The following PPM1L variants were observed in gnomAD, a reference collection of about 807,000 sequenced individuals.
PPM1L encodes the protein protein phosphatase, Mg2+/Mn2+ dependent 1L.
A neutral mutation model predicts 31.4 loss-of-function variants in PPM1L; 13 were observed. The ratio of observed to expected loss-of-function variants is 0.41; its 90% CI spans 0.27 to 0.66. The LOEUF is 0.66. Among genes scored for constraint, PPM1L ranks in the 30% least tolerant of loss-of-function variants. The pLI is 0.29. For synonymous variants in PPM1L, 184 were observed against 175.4 expected, an observed-to-expected ratio of 1.05 and a Z score of -0.39; for missense variants, 326 against 453.7, an observed-to-expected ratio of 0.72 and a Z score of 2.56.
chr3:160,936,622 G>A (rs1714981903), intron 1 of PPM1L, among the ~76,000 whole-genome samples: 11 of 152,158 alleles, frequency 7.2e-5, no homozygotes, highest in Admixed American at 7.2e-4. Context: ...AATTATGCCA[G>A]TTAGTTAATG....
intron 1 of PPM1L, among the ~76,000 whole-genome samples, chr3:160,931,723 G>T (rs1046587146): frequency 2.0e-5 from 3 of 152,302 alleles, no homozygotes; most frequent in Admixed American, 6.5e-5. Context: ...CCATTAGTCA[G>T]TATCTAAATA....
At position 161,033,803 on chromosome 3, in the gene PPM1L, C is replaced by A. The variant is rs533146592; in HGVS notation, c.575-31600C>A. Among the ~76,000 whole-genome samples, 8 of 152,264 alleles carry A rather than the reference C, an allele frequency of 5.3e-5. No homozygotes were observed. In the East Asian group the frequency reaches 1.4e-3, roughly 26 times the overall value. On this transcript the variant is annotated intron_variant, in intron 2 of 3. Transcript: ENST00000498165. Reference sequence around the variant, plus strand: ...ATGGGCAAAGACTTCATGACTAAAACACCAAAAGCAATGGCAACAAAAGCC... The same window carrying A: ...ATGGGCAAAGACTTCATGACTAAAAAACCAAAAGCAATGGCAACAAAAGCC...
At chr3:160,792,425 A>G (rs756605912) in intron 1 of PPM1L, among the ~76,000 whole-genome samples, 4 of 152,154 alleles carry the variant, frequency 2.6e-5, no homozygotes, top group Non-Finnish European at 4.4e-5. Flanking sequence ...TAATTTTAGA[A>G]TGGTTTTAGG....
At chr3:160,785,268 A>G (rs1437531616) in intron 1 of PPM1L, among the ~76,000 whole-genome samples, 15 of 152,178 alleles carry the variant, frequency 9.9e-5, no homozygotes, top group Non-Finnish European at 1.5e-4. Context: ...TGAGTTTTCT[A>G]TACATTTTTA....
chr3:160,879,001 A>G (rs1417781413), intron 1 of PPM1L, among the ~76,000 whole-genome samples: 1 of 152,244 alleles, frequency 6.6e-6, no homozygotes, highest in Non-Finnish European at 1.5e-5. Flanking sequence ...GCAACTGAGC[A>G]ACTAGTTCTA....
intron 1 of PPM1L, among the ~76,000 whole-genome samples, chr3:160,810,392 T>C (rs1447794226): frequency 1.3e-5 from 2 of 152,198 alleles, no homozygotes; most frequent in East Asian, 3.9e-4. Context: ...GTTCCACATG[T>C]AGCCTTATGA....
At chr3:160,786,218 T>TA (rs1711929905) in intron 1 of PPM1L, among the ~76,000 whole-genome samples, 1 of 113,424 alleles carries the variant, frequency 8.8e-6, no homozygotes, top group Non-Finnish European at 1.8e-5. Flanking sequence ...TTTTTTTTTT[T>TA]TTTTTTTTTT....
At chr3:160,934,819 G>T (rs2108082108) in intron 1 of PPM1L, among the ~76,000 whole-genome samples, 1 of 152,192 alleles carries the variant, frequency 6.6e-6, no homozygotes, top group South Asian at 2.1e-4. Flanking sequence ...TGGATATGGT[G>T]GTGCATGCCT....
chr3:160,928,334 C>T (rs1714669740), intron 1 of PPM1L, among the ~76,000 whole-genome samples: 2 of 152,186 alleles, frequency 1.3e-5, no homozygotes, highest in African/African-American at 4.8e-5. Flanking sequence ...GACCACAGGG[C>T]ATATGGCCTG....
chr3:160,783,203 A>G (rs1461069426), intron 1 of PPM1L, among the ~76,000 whole-genome samples: 2 of 152,174 alleles, frequency 1.3e-5, no homozygotes, highest in Admixed American at 6.5e-5. Context: ...TTCAGGCACA[A>G]TTGTTTCATC....
At chr3:160,947,389 A>G (rs914922490) in intron 1 of PPM1L, among the ~76,000 whole-genome samples, 1 of 152,108 alleles carries the variant, frequency 6.6e-6, no homozygotes, top group Non-Finnish European at 1.5e-5. Context: ...GAAAATTCAT[A>G]TCAATAAAAT....
At chr3:160,825,648 G>A (rs1026814886) in intron 1 of PPM1L, among the ~76,000 whole-genome samples, 26 of 152,086 alleles carry the variant, frequency 1.7e-4, no homozygotes, top group African/African-American at 6.3e-4. Flanking sequence ...TTTGCCTGGC[G>A]GTGCTGATTA....
At chr3:160,837,818 G>T (rs79300295) in intron 1 of PPM1L, among the ~76,000 whole-genome samples, 6,262 of 152,208 alleles carry the variant, frequency 0.041, 423 homozygotes, top group African/African-American at 0.14. Context: ...TGAACTTGTG[G>T]TTGCACAAGT....
At chr3:160,803,875 T>C (rs991294449) in intron 1 of PPM1L, among the ~76,000 whole-genome samples, 2 of 152,208 alleles carry the variant, frequency 1.3e-5, no homozygotes, top group African/African-American at 4.8e-5. Flanking sequence ...AAACTGAGAC[T>C]GAGAGACACT....
Position 160,756,718 on chromosome 3 carries a change from C to T in PPM1L, c.399+11C>T, listed in dbSNP as rs1426223359. 3 of 1,609,236 alleles carry T rather than the reference C, an allele frequency of 1.9e-6. No individual in the cohort carries two copies. Among genetic ancestry groups the T allele is most frequent in the African/African-American group, 1.3e-5 (1 of 74,326 alleles). ...GGGCACGGGGGAGAGGTAGGAGCTA[C>T]CCCGGGGCTTTGTATTTGTGTCCGT... On this transcript the variant is annotated intron_variant, in intron 1 of 3. Coordinates refer to ENST00000498165, the MANE Select transcript of PPM1L (RefSeq NM_139245.4). The surrounding 1 kb of genome is among the most constrained non-coding windows in gnomAD (Gnocchi z 6.2).
At chr3:160,828,965 C>T in intron 1 of PPM1L, among the ~76,000 whole-genome samples, 1 of 152,078 alleles carries the variant, frequency 6.6e-6, no homozygotes, top group East Asian at 1.9e-4. Flanking sequence ...CTCTGTACCT[C>T]CAACAGGACA....
At chr3:161,061,850 G>A (rs1449455976) in intron 2 of PPM1L, among the ~76,000 whole-genome samples, 1 of 152,004 alleles carries the variant, frequency 6.6e-6, no homozygotes, top group Non-Finnish European at 1.5e-5. Flanking sequence ...GATATTACAG[G>A]GAACAACAAC....
chr3:160,951,686 C>T (rs954222754), intron 1 of PPM1L, among the ~76,000 whole-genome samples: 4 of 152,122 alleles, frequency 2.6e-5, no homozygotes, highest in African/African-American at 9.7e-5. Flanking sequence ...AATTAGATGA[C>T]TGATAAAGTT....
intron 2 of PPM1L, among the ~76,000 whole-genome samples, chr3:160,976,677 A>G (rs1341162713): frequency 6.6e-6 from 1 of 152,186 alleles, no homozygotes; most frequent in Non-Finnish European, 1.5e-5. Context: ...TGTTTGTAGT[A>G]TTCTCTGATG....
Sources: allele counts gnomAD v4.1 joint callset (sites outside exome capture counted in the v4.1 genomes callset), GRCh38; gene constraint gnomAD v4.1.1; non-coding constraint Gnocchi (gnomAD v3.1); transcripts MANE v1.5; gene names NCBI Gene and HGNC (gene_info 2026-07-23, HGNC 2026-07-21).